Variants in STXBP5L observed in about 807,000 individuals in gnomAD.
STXBP5L encodes syntaxin-binding protein 5-like.
Under a neutral mutation model 144.5 loss-of-function variants are expected in STXBP5L, and 65 were observed. That is an observed-to-expected ratio of 0.45 (90% CI 0.37 to 0.55). STXBP5L has a LOEUF of 0.55. STXBP5L is among the 20% of genes least tolerant of loss of function. STXBP5L has a pLI of 0.00. For synonymous variants in STXBP5L, 505 were observed against 469.6 expected, an observed-to-expected ratio of 1.08 and a Z score of -0.97; for missense variants, 1,298 against 1,405.5, an observed-to-expected ratio of 0.92 and a Z score of 1.22.
chr3:121,347,930 C>A (rs1475076270), intron 20 of STXBP5L, among the ~76,000 whole-genome samples: 1 of 152,138 alleles, frequency 6.6e-6, no homozygotes. Flanking sequence ...TCCTCTTTTC[C>A]GAATTGAATA....
chr3:120,985,581 C>G (rs1942212676), intron 3 of STXBP5L, among the ~76,000 whole-genome samples: 1 of 151,810 alleles, frequency 6.6e-6, no homozygotes, highest in South Asian at 2.1e-4. Context: ...ATTTTTTTGA[C>G]AACTGAGTCA....
chr3:121,113,662 TTTTC>T (rs2044097607), intron 5 of STXBP5L, among the ~76,000 whole-genome samples: 1 of 141,890 alleles, frequency 7.0e-6, no homozygotes, highest in African/African-American at 2.7e-5. Flanking sequence ...TTTTATTCTT[TTTTC>T]TTTTTCTTTT....
At chr3:121,342,897 T>C (rs2044778392) in intron 20 of STXBP5L, among the ~76,000 whole-genome samples, 1 of 149,832 alleles carries the variant, frequency 6.7e-6, no homozygotes, top group African/African-American at 2.5e-5. Context: ...GTATTTCTAG[T>C]TCTAGATCCC....
At chr3:120,913,367 AT>A (rs935522219) in intron 2 of STXBP5L, among the ~76,000 whole-genome samples, 2 of 151,838 alleles carry the variant, frequency 1.3e-5, no homozygotes, top group Non-Finnish European at 2.9e-5. Context: ...AGGCACTTGC[AT>A]TTTTTTGAAT....
chr3:121,146,973 TA>T (rs2045735611), intron 7 of STXBP5L, among the ~76,000 whole-genome samples: 1 of 152,034 alleles, frequency 6.6e-6, no homozygotes, highest in African/African-American at 2.4e-5. Flanking sequence ...TGGACAGAAC[TA>T]AAATGAAAAA....
chr3:121,399,476 G>A (rs995788411), intron 22 of STXBP5L, among the ~76,000 whole-genome samples: 1 of 152,130 alleles, frequency 6.6e-6, no homozygotes, highest in Non-Finnish European at 1.5e-5. Flanking sequence ...GGATCTCATA[G>A]CCTTCAGAGC....
chr3:120,937,381 TC>T (rs1374362198), intron 2 of STXBP5L, among the ~76,000 whole-genome samples: 3 of 152,096 alleles, frequency 2.0e-5, no homozygotes, highest in Non-Finnish European at 4.4e-5. Context: ...CCTCTAACCC[TC>T]CCCACTCCAC....
intron 3 of STXBP5L, among the ~76,000 whole-genome samples, chr3:121,035,050 G>C (rs963897439): frequency 6.6e-6 from 1 of 151,974 alleles, no homozygotes; most frequent in Admixed American, 6.6e-5. Context: ...TCCTTTGCCT[G>C]TTTTTTAATG....
chr3:121,033,699 C>A (rs1409987780), intron 3 of STXBP5L, among the ~76,000 whole-genome samples: 1 of 151,466 alleles, frequency 6.6e-6, no homozygotes, highest in Non-Finnish European at 1.5e-5. Context: ...GTAATTTTAG[C>A]ATTAACTGCT....
At chr3:120,912,203 T>C (rs1038989137) in intron 2 of STXBP5L, among the ~76,000 whole-genome samples, 1 of 152,036 alleles carries the variant, frequency 6.6e-6, no homozygotes, top group African/African-American at 2.4e-5. Context: ...ATCTCTTTAC[T>C]TCTAGTTTTA....
In STXBP5L at chr3:121,400,255, G is replaced by A. The variant is rs368046717; in HGVS notation, c.2588-6988G>A. On this transcript the variant is annotated intron_variant, in intron 22 of 26. Transcript: ENST00000471454. ...CACCCAGGCGATGACTTAGTTTGTTGGGAGAGAGGCATTCCACTTTCACTT... is the reference window on the plus strand; with the variant it reads ...CACCCAGGCGATGACTTAGTTTGTTAGGAGAGAGGCATTCCACTTTCACTT... Among the ~76,000 whole-genome samples, 4 of 152,296 alleles carry A rather than the reference G, an allele frequency of 2.6e-5. No homozygotes were observed. In the East Asian group the frequency reaches 7.7e-4, roughly 29 times the overall value.
intron 8 of STXBP5L, among the ~76,000 whole-genome samples, chr3:121,153,281 A>T (rs2045994689): frequency 6.6e-6 from 1 of 152,038 alleles, no homozygotes; most frequent in Non-Finnish European, 1.5e-5. Flanking sequence ...GGCTAATAAG[A>T]AGACCGTAAA....
intron 19 of STXBP5L, among the ~76,000 whole-genome samples, chr3:121,309,199 A>T (rs1009678486): frequency 6.6e-6 from 1 of 152,094 alleles, no homozygotes; most frequent in East Asian, 1.9e-4. Flanking sequence ...CAATCAAAAG[A>T]CATAGATTGT....
intron 9 of STXBP5L, among the ~76,000 whole-genome samples, chr3:121,196,315 T>G (rs532880707): frequency 6.6e-6 from 1 of 152,014 alleles, no homozygotes; most frequent in South Asian, 2.1e-4. Context: ...TTTTTTGTAT[T>G]TTTAGTAGAG....
chr3:121,366,956 C>T (rs1314400496), intron 20 of STXBP5L, among the ~76,000 whole-genome samples: 1 of 151,978 alleles, frequency 6.6e-6, no homozygotes, highest in Non-Finnish European at 1.5e-5. Context: ...CATTTAATAT[C>T]CTAAAGTTAT....
rs373864066 is a variant in STXBP5L at position 121,282,881 on chromosome 3, A to T, written c.2110+2925A>T. Among the ~76,000 whole-genome samples the T allele has an allele frequency of 2.6e-5, 4 of 152,000 alleles. No homozygotes were observed. In the South Asian group the frequency reaches 6.2e-4, roughly 24 times the overall value. ...TGATTTAAGGCACTCAGACATTATA[A>T]AGTAGGATAATTAAGGTAAAAAGTA... is the stretch of plus-strand genomic sequence containing the variant. On this transcript the variant is annotated intron_variant, in intron 19 of 26. Transcript: ENST00000471454.
chr3:120,973,202 G>A (rs1298851812), intron 3 of STXBP5L, among the ~76,000 whole-genome samples: 1 of 151,906 alleles, frequency 6.6e-6, no homozygotes. Context: ...CTGGTCCTAG[G>A]CTTTTATTTT....
chr3:121,326,706 C>T (rs1400270039), intron 20 of STXBP5L, among the ~76,000 whole-genome samples: 1 of 151,916 alleles, frequency 6.6e-6, no homozygotes, highest in Non-Finnish European at 1.5e-5. Flanking sequence ...ATAACTTTAG[C>T]AGGTTTCTTA....
intron 2 of STXBP5L, among the ~76,000 whole-genome samples, chr3:120,919,073 G>T (rs1338687103): frequency 6.6e-6 from 1 of 152,114 alleles, no homozygotes; most frequent in Admixed American, 6.6e-5. Flanking sequence ...GATAGGCTTT[G>T]CTGAGAATGT....
Sources: gnomAD v4.1 joint callset for allele counts (sites outside exome capture counted in the v4.1 genomes callset) on GRCh38, gnomAD v4.1.1 for gene constraint, MANE v1.5 for transcripts, NCBI Gene and HGNC (gene_info 2026-07-23, HGNC 2026-07-21) for gene names.